The following YY1 variants were observed in gnomAD, a reference collection of about 807,000 sequenced individuals.
YY1 encodes the protein transcriptional repressor protein YY1.
In YY1, 2 loss-of-function variants were observed where a neutral mutation model predicts 35.6. The observed-to-expected ratio is 0.06, with a 90% CI of 0.02 to 0.18. The LOEUF (loss-of-function observed/expected upper bound fraction) is 0.18. Among genes scored for constraint, YY1 ranks in the 10% least tolerant of loss-of-function variants. The pLI is 1.00. For synonymous variants in YY1, 268 were observed against 238.9 expected (o/e 1.12, Z -1.12); for missense variants, 322 against 573.4 (o/e 0.56, Z 4.48).
At position 100,239,475 on chromosome 14, in the gene YY1, C is replaced by A. The variant is rs762854228; in HGVS notation, c.231C>A (p.His77Gln). The change falls in exon 1 of 5, where the codon CAC becomes CAA. Residue 77 changes from histidine to glutamine, a missense_variant. Coordinates refer to ENST00000262238, the MANE Select transcript of YY1 (RefSeq NM_003403.5). ...GCCACCACCACCACCACCATCACCA[C>A]CACCACCACCCGCCCATGATCGCTC... Reference protein sequence around the residue: ...HAGHHHHHHHHHHHPPMIALQ... With the variant: ...HAGHHHHHHHQHHHPPMIALQ... 6.2e-7 allele frequency: 1 copy of A among 1,604,534 alleles called. No homozygotes were observed. Among genetic ancestry groups the A allele is most frequent in the Admixed American group, 1.7e-5 (1 of 59,570 alleles).
At chr14:100,242,378 G>GTTTTTTTTTTTTTTTT (rs57406488) in intron 1 of YY1, among the ~76,000 whole-genome samples, 4 of 109,958 alleles carry the variant, frequency 3.6e-5, no homozygotes, top group Non-Finnish European at 7.5e-5. Flanking sequence ...TTTGTTTTTT[G>GTTTTTTTTTTTTTTTT]TTTTTTTTTT....
chr14:100,243,486 C>T (rs1201502730), intron 1 of YY1, among the ~76,000 whole-genome samples: 3 of 152,140 alleles, frequency 2.0e-5, no homozygotes, highest in Non-Finnish European at 4.4e-5. Context: ...CTTAGACCCT[C>T]TTGGTTTAAA....
At position 100,281,400 on chromosome 14, in the gene YY1, C is replaced by CT. The variant is rs1158132022; in HGVS notation, c.*3801dup. On this transcript the variant is annotated 3_prime_UTR_variant, in exon 5 of 5. Coordinates refer to ENST00000262238, the MANE Select transcript of YY1 (RefSeq NM_003403.5). ...CTCTGCTGGCTTGCTGAAGCCAGCT[C>CT]TGAGTCACAGGGTTGCCTTGGACCC... 3 of 152,130 alleles carry CT rather than the reference C, an allele frequency of 2.0e-5. No homozygotes were observed. The highest frequency in any genetic ancestry group is 2.0e-4 in the Admixed American group (3 of 15,254). The allele number at this position is 152,130 out of a possible 1,614,324, so 9.4% of individuals were successfully genotyped here.
chr14:100,245,503 T>C (rs1049371892), intron 1 of YY1, among the ~76,000 whole-genome samples: 2 of 152,174 alleles, frequency 1.3e-5, no homozygotes, highest in African/African-American at 4.8e-5. Context: ...TTTTTCACTA[T>C]ATATGATTAA....
intron 1 of YY1, among the ~76,000 whole-genome samples, chr14:100,249,756 T>G (rs79254039): frequency 7.8e-5 from 7 of 89,398 alleles, no homozygotes; most frequent in South Asian, 5.5e-4. Flanking sequence ...CCGTTTTTTT[T>G]TTTGTTTGTT....
chr14:100,248,297 AT>A (rs1260658474), intron 1 of YY1, among the ~76,000 whole-genome samples: 9 of 150,342 alleles, frequency 6.0e-5, no homozygotes, highest in East Asian at 2.0e-4. Flanking sequence ...TTTTCTTTGT[AT>A]TTTTTAGTAG....
At chr14:100,242,378 G>GTTTTT (rs57406488) in intron 1 of YY1, among the ~76,000 whole-genome samples, 4 of 109,958 alleles carry the variant, frequency 3.6e-5, no homozygotes, top group Non-Finnish European at 7.5e-5. Flanking sequence ...TTTGTTTTTT[G>GTTTTT]TTTTTTTTTT....
intron 1 of YY1, among the ~76,000 whole-genome samples, chr14:100,243,928 A>T (rs1890789166): frequency 6.6e-6 from 1 of 151,978 alleles, no homozygotes; most frequent in Non-Finnish European, 1.5e-5. Flanking sequence ...ACACGGTAAA[A>T]CCCTGTCTCT....
Position 100,276,222 on chromosome 14 carries a change from G to T in YY1, c.904-268G>T. 1 of 460,022 alleles carries T rather than the reference G, an allele frequency of 2.2e-6. No homozygotes were observed. Among genetic ancestry groups the T allele is most frequent in the South Asian group, 2.1e-5 (1 of 47,812 alleles). 28.5% of individuals were successfully genotyped at this position (460,022 alleles called of 1,614,324 possible). A position where few individuals can be genotyped will look rare whatever the true frequency, so the allele number is the denominator to read the frequency against. On this transcript the variant is annotated intron_variant, in intron 3 of 4. Coordinates refer to ENST00000262238, the MANE Select transcript of YY1 (RefSeq NM_003403.5). The surrounding 1 kb of genome is among the most constrained non-coding windows in gnomAD (Gnocchi z 4.1). ...ATTCCCAGTTTGGCTACTACTAGTA[G>T]TGTGACCTTGGGCAAGTCTACTTAA...
chr14:100,257,914 T>A (rs911517391), intron 1 of YY1, among the ~76,000 whole-genome samples: 1 of 152,130 alleles, frequency 6.6e-6, no homozygotes, highest in African/African-American at 2.4e-5. Flanking sequence ...CAAGGCGGAT[T>A]GCTTCAGCCC....
Position 100,239,718 on chromosome 14 carries a change from G to A in YY1, c.474G>A (p.Lys158=). The change falls in exon 1 of 5, where the codon AAG becomes AAA. Residue 158 remains lysine, a synonymous_variant. Transcript: ENST00000262238. ...QTLVTVAAAG[K]SGGGGSSSSG... is the part of the protein sequence containing the mutation. ...TGGTCACCGTGGCGGCGGCCGGCAA[G>A]AGCGGCGGCGGCGGCTCGTCGTCGT... 1 of 1,598,126 alleles carries A rather than the reference G, an allele frequency of 6.3e-7. No individual in the cohort carries two copies.
chr14:100,252,220 T>A (rs1479808385), intron 1 of YY1, among the ~76,000 whole-genome samples: 1 of 152,188 alleles, frequency 6.6e-6, no homozygotes, highest in Admixed American at 6.5e-5. Flanking sequence ...CTTAATTATA[T>A]CTTTTTGACT....
At chr14:100,243,183 C>T (rs936080893) in intron 1 of YY1, among the ~76,000 whole-genome samples, 1 of 152,136 alleles carries the variant, frequency 6.6e-6, no homozygotes, top group African/African-American at 2.4e-5. Flanking sequence ...GTGATATACT[C>T]AGTATAATTC....
At chr14:100,255,603 A>G (rs1890994302) in intron 1 of YY1, among the ~76,000 whole-genome samples, 1 of 152,256 alleles carries the variant, frequency 6.6e-6, no homozygotes, top group East Asian at 1.9e-4. Context: ...TGGGGGGGAC[A>G]GAGCGAGACT....
chr14:100,249,293 G>A (rs1316455390), intron 1 of YY1, among the ~76,000 whole-genome samples: 2 of 151,092 alleles, frequency 1.3e-5, no homozygotes, highest in South Asian at 2.1e-4. Context: ...GCTAATTTTT[G>A]TACTTTTAGT....
At position 100,253,859 on chromosome 14, in the gene YY1, C is replaced by G. The variant is rs1354203841; in HGVS notation, c.680-8445C>G. ...ATTTTCTTTTTTTGAGATGGAGTCT[C>G]ACTGTTGTTGGCTCAGGGTGGAGTG... On this transcript the variant is annotated intron_variant, in intron 1 of 4. Transcript: ENST00000262238. 3.9e-5 allele frequency among the ~76,000 whole-genome samples: 6 copies of G among 152,160 alleles called. No homozygotes were observed. In the South Asian group the frequency reaches 1.0e-3, roughly 26 times the overall value.
intron 1 of YY1, among the ~76,000 whole-genome samples, chr14:100,250,144 A>G (rs549074390): frequency 3.4e-4 from 52 of 152,320 alleles, no homozygotes; most frequent in Middle Eastern, 3.4e-3. Context: ...CATAGGGTTT[A>G]ATACCTTAAA....
At position 100,257,452 on chromosome 14, in the gene YY1, G is replaced by A. The variant is rs76911999; in HGVS notation, c.680-4852G>A. On this transcript the variant is annotated intron_variant, in intron 1 of 4. Transcript: ENST00000262238. ...CCTCTGGGGTAGACTGCATGTTTGT[G>A]TCTCTCCCAGATTCATGTGTTGAAA... is the stretch of plus-strand genomic sequence containing the variant. Among the ~76,000 whole-genome samples, 315 of 152,292 alleles carry A rather than the reference G, an allele frequency of 2.1e-3. 1 individual carries two copies. Among genetic ancestry groups the A allele is most frequent in the African/African-American group, 7.3e-3 (304 of 41,560 alleles).
At chr14:100,274,653 A>G (rs1351696794) in intron 2 of YY1, 45 bp from the exon 3 acceptor site, 11 of 1,549,690 alleles carry the variant, frequency 7.1e-6, no homozygotes, top group Non-Finnish European at 9.8e-6. Context: ...AGTTGAGTCT[A>G]CCCACTCCTA....
Sources: allele counts gnomAD v4.1 joint callset (sites outside exome capture counted in the v4.1 genomes callset), GRCh38; gene constraint gnomAD v4.1.1; non-coding constraint Gnocchi (gnomAD v3.1); transcripts MANE v1.5; gene names NCBI Gene and HGNC (gene_info 2026-07-23, HGNC 2026-07-21).